Variants in UBR1 observed in about 807,000 individuals in gnomAD.
The protein encoded by UBR1 is E3 ubiquitin-protein ligase UBR1.
UBR1 carries 102 observed loss-of-function variants against 242.1 expected under a neutral mutation model. The ratio of observed to expected loss-of-function variants is 0.42; its 90% CI spans 0.36 to 0.50. The LOEUF (loss-of-function observed/expected upper bound fraction) is 0.50. Ranked by LOEUF, UBR1 falls within the 20% of genes least tolerant of loss-of-function variation. The probability of loss-of-function intolerance (pLI) is 0.01; values close to 1 mark genes in which losing one functional copy is unlikely to be tolerated. For synonymous variants in UBR1, 675 were observed against 684.8 expected, an observed-to-expected ratio of 0.99 and a Z score of 0.22; for missense variants, 1,772 against 2,101.8, an observed-to-expected ratio of 0.84 and a Z score of 3.07.
At chr15:43,077,031 G>T (rs1394831400) in intron 3 of UBR1, among the ~76,000 whole-genome samples, 1 of 89,484 alleles carries the variant, frequency 1.1e-5, no homozygotes, top group African/African-American at 3.9e-5. Flanking sequence ...GGGTGGTGGG[G>T]GGGTCAGCCC....
intron 42 of UBR1, among the ~76,000 whole-genome samples, chr15:42,962,370 C>T (rs944768397): frequency 6.6e-6 from 1 of 152,162 alleles, no homozygotes; most frequent in Non-Finnish European, 1.5e-5. Context: ...AGGCTAGGGA[C>T]ACCAGCAGAT....
chr15:43,048,361 C>T lies in UBR1; in HGVS notation c.1539+31G>A, dbSNP rs747540408. ...CGGTTCAATTTTTAAAAATAAATTT[C>T]TTTTACTGATGTACAGAAAAATGAT... On this transcript the variant is annotated intron_variant, in intron 13 of 46. Coordinates refer to ENST00000290650, the MANE Select transcript of UBR1 (RefSeq NM_174916.3). 4.6e-6 allele frequency: 7 copies of T among 1,537,580 alleles called. No individual in the cohort carries two copies. The South Asian group carries it at 8.2e-5, about 18-fold the overall frequency.
chr15:42,981,521 G>A (rs956699507), intron 37 of UBR1, among the ~76,000 whole-genome samples: 5 of 151,654 alleles, frequency 3.3e-5, no homozygotes, highest in African/African-American at 9.7e-5. Context: ...ATGGAATCTC[G>A]CTCTGTCGCC....
At position 42,970,571 on chromosome 15, in the gene UBR1, T is replaced by A; in HGVS notation, c.4406A>T (p.Glu1469Val). ...AAAGAAAGAAGATGCGGAATGAGCC[T>A]CTTCACTGTCTTCTTGAACCTGAGC... is the stretch of plus-strand genomic sequence containing the variant. The part of the protein sequence containing the change: ...PLAQVQEDSE[E>V]AHSASSFFAE... The change falls in exon 40 of 47, where the codon GAG becomes GTG. Residue 1469 changes from glutamate (E) to valine (V), a missense_variant. Coordinates refer to ENST00000290650, the MANE Select transcript of UBR1 (RefSeq NM_174916.3). 6.2e-7 allele frequency: 1 copy of A among 1,613,872 alleles called. No individual in the cohort carries two copies. The highest frequency in any genetic ancestry group is 1.1e-5 in the South Asian group (1 of 91,088).
At chr15:43,043,910 A>G (rs928231588) in intron 14 of UBR1, among the ~76,000 whole-genome samples, 1 of 152,220 alleles carries the variant, frequency 6.6e-6, no homozygotes, top group Non-Finnish European at 1.5e-5. Flanking sequence ...TAAATGGTAC[A>G]GACTAATTGC....
chr15:43,000,742 ATTCT>A (rs1175525827), intron 32 of UBR1, among the ~76,000 whole-genome samples: 12 of 152,234 alleles, frequency 7.9e-5, no homozygotes, highest in African/African-American at 2.9e-4. Flanking sequence ...ATCAAAGATA[ATTCT>A]TTCTCATGTT....
intron 34 of UBR1, among the ~76,000 whole-genome samples, chr15:42,989,205 A>C (rs2032519644): frequency 6.6e-6 from 1 of 152,238 alleles, no homozygotes; most frequent in South Asian, 2.1e-4. Flanking sequence ...AATGACCTAC[A>C]TAACTTCACT....
intron 1 of UBR1, among the ~76,000 whole-genome samples, chr15:43,100,404 G>A (rs1299126877): frequency 2.0e-5 from 3 of 152,080 alleles, no homozygotes; most frequent in Admixed American, 1.3e-4. Context: ...TAACATGCCG[G>A]CTCATTCCCT....
chr15:42,960,762 C>A lies in UBR1; in HGVS notation c.4701-61G>T. The A allele has an allele frequency of 3.3e-6, 5 of 1,520,232 alleles. No homozygotes were observed. The South Asian group carries it at 5.8e-5, about 18-fold the overall frequency. The allele number at this position is 1,520,232 out of a possible 1,614,324, so 94.2% of individuals were successfully genotyped here. On this transcript the variant is annotated intron_variant, in intron 42 of 46. Transcript: ENST00000290650. ...ATCACAGCTTCAATGCATGATTTGT[C>A]AACAAGCCATTCTCTTTTTTTTTTG...
chr15:42,987,573 G>C (rs1379565575), intron 35 of UBR1, among the ~76,000 whole-genome samples: 1 of 152,028 alleles, frequency 6.6e-6, no homozygotes, highest in Non-Finnish European at 1.5e-5. Context: ...AATTGGCTGG[G>C]CGTGGTGGCG....
chr15:43,045,844 G>C (rs1305213458), intron 14 of UBR1, among the ~76,000 whole-genome samples: 1 of 152,166 alleles, frequency 6.6e-6, no homozygotes, highest in Non-Finnish European at 1.5e-5. Context: ...GACTGAAATA[G>C]GTAATCGATA....
At chr15:43,004,197 T>C (rs1472385303) in intron 30 of UBR1, among the ~76,000 whole-genome samples, 1 of 152,264 alleles carries the variant, frequency 6.6e-6, no homozygotes, top group Non-Finnish European at 1.5e-5. Context: ...CTGCATTATC[T>C]TGGTTATTTA....
chr15:43,067,779 A>G, intron 6 of UBR1, 119 bp downstream of exon 6: 1 of 1,138,562 alleles, frequency 8.8e-7, no homozygotes, highest in Non-Finnish European at 1.3e-6. Context: ...CCTAGGATGT[A>G]AGGAATAAAT....
At chr15:43,012,713 A>T (rs962666499) in intron 29 of UBR1, among the ~76,000 whole-genome samples, 20 of 152,208 alleles carry the variant, frequency 1.3e-4, no homozygotes, top group Non-Finnish European at 2.6e-4. Context: ...CTTGTCATTT[A>T]AAATTTCCAG....
At chr15:43,007,386 T>A in intron 29 of UBR1, 102 bp from the exon 30 acceptor site, 1 of 1,011,070 alleles carries the variant, frequency 9.9e-7, no homozygotes, top group African/African-American at 1.6e-5. Flanking sequence ...ATAAGAAAGA[T>A]AATAAAAATA....
In UBR1 at chr15:43,002,720, G is replaced by T. The variant is rs751358738; in HGVS notation, c.3510-16C>A. 1.2e-6 allele frequency: 2 copies of T among 1,613,816 alleles called. No individual in the cohort carries two copies. The highest frequency in any genetic ancestry group is 1.7e-6 in the Non-Finnish European group (2 of 1,179,968). On this transcript the variant is annotated splice_polypyrimidine_tract_variant and intron_variant, in intron 31 of 46. Coordinates refer to ENST00000290650, the MANE Select transcript of UBR1 (RefSeq NM_174916.3). ...TTCAAAATACCTGCAAAATTACAAAGACACAGGCCCATTCAGAACTACACA... is the reference window on the plus strand; with the variant it reads ...TTCAAAATACCTGCAAAATTACAAATACACAGGCCCATTCAGAACTACACA...
chr15:43,038,784 T>C (rs1293989899), intron 15 of UBR1, among the ~76,000 whole-genome samples: 2 of 152,204 alleles, frequency 1.3e-5, no homozygotes, highest in Non-Finnish European at 2.9e-5. Flanking sequence ...GATACCTTTA[T>C]TCTGCCTTTA....
intron 33 of UBR1, among the ~76,000 whole-genome samples, chr15:42,991,086 C>T (rs1327874530): frequency 6.6e-6 from 1 of 151,680 alleles, no homozygotes; most frequent in Non-Finnish European, 1.5e-5. Flanking sequence ...ACCAGCCTGG[C>T]CAACATGGTG....
chr15:43,105,112 T>C (rs1159842570), intron 1 of UBR1, among the ~76,000 whole-genome samples: 1 of 152,206 alleles, frequency 6.6e-6, no homozygotes, highest in African/African-American at 2.4e-5. Flanking sequence ...CCCAAATCTC[T>C]AAATGCTGCT....
Sources: gnomAD v4.1 joint callset for allele counts (sites outside exome capture counted in the v4.1 genomes callset) on GRCh38, gnomAD v4.1.1 for gene constraint, MANE v1.5 for transcripts, NCBI Gene and HGNC (gene_info 2026-07-23, HGNC 2026-07-21) for gene names.